The following JAG2 variants were observed in gnomAD, a reference collection of about 807,000 sequenced individuals.
The protein encoded by JAG2 is protein jagged-2.
Under a neutral mutation model 141.7 loss-of-function variants are expected in JAG2, and 46 were observed. The ratio of observed to expected loss-of-function variants is 0.32; its 90% CI spans 0.26 to 0.42. The LOEUF (loss-of-function observed/expected upper bound fraction) is 0.42. Among genes scored for constraint, JAG2 ranks in the 10% least tolerant of loss-of-function variants. The probability of loss-of-function intolerance (pLI) is 1.00; values close to 1 mark genes in which losing one functional copy is unlikely to be tolerated. For synonymous variants in JAG2, 862 were observed against 763.5 expected (o/e 1.13, Z -2.13); for missense variants, 1,500 against 1,817.5 (o/e 0.83, Z 3.18).
chr14:105,157,215 C>T (rs754713111), intron 3 of JAG2, among the ~76,000 whole-genome samples: 1 of 152,194 alleles, frequency 6.6e-6, no homozygotes, highest in Non-Finnish European at 1.5e-5. Flanking sequence ...AGCCCAGCCC[C>T]GGCTGCTCCC....
chr14:105,144,993 G>C lies in JAG2; in HGVS notation c.3021C>G (p.Asp1007Glu). The C allele has an allele frequency of 6.2e-7, 1 of 1,609,402 alleles. No individual in the cohort carries two copies. Among genetic ancestry groups the C allele is most frequent in the Non-Finnish European group, 8.5e-7 (1 of 1,179,710 alleles). Residue 1007 changes from aspartate (D) to glutamate (E), a missense_variant, in exon 24 of 26, where the codon GAC (aspartate) becomes GAG (glutamate). Asp to Glu is a conservative substitution (Grantham distance 45). Around this residue, in one of 3 missense-constraint regions of JAG2, gnomAD observed 425 missense variants for 441.0 expected, o/e 0.96. Coordinates refer to ENST00000331782, the MANE Select transcript of JAG2 (RefSeq NM_002226.5). The part of the protein sequence containing the change: ...SLPATRAVAR[D>E]RLLVLLCDRA... ...GGTCGCAAAGCAACACCAGCAGGCG[G>C]TCCCGTGCCACAGCCCTTGTGGCTG...
chr14:105,149,852 GTA>G (rs1888360607), intron 12 of JAG2, among the ~76,000 whole-genome samples: 1 of 83,484 alleles, frequency 1.2e-5, no homozygotes, highest in Non-Finnish European at 2.5e-5. Flanking sequence ...GGAGGGGGTG[GTA>G]GGGAGGCAGG....
chr14:105,146,030 GCA>G (rs1888212968), intron 22 of JAG2, 57 bp from the exon 23 acceptor site: 1 of 1,564,878 alleles, frequency 6.4e-7, no homozygotes, highest in African/African-American at 1.4e-5. Context: ...TCAGATGCAG[GCA>G]CACAGATGAG....
At chr14:105,155,518 G>T in intron 5 of JAG2, 44 bp downstream of exon 5, 1 of 1,607,140 alleles carries the variant, frequency 6.2e-7, no homozygotes, top group Non-Finnish European at 8.5e-7. Flanking sequence ...GAGGACGTGA[G>T]GGCAAAGGTT....
chr14:105,143,694 C>A, intron 24 of JAG2, 56 bp from the exon 25 acceptor site: 1 of 1,589,892 alleles, frequency 6.3e-7, no homozygotes, highest in Non-Finnish European at 8.5e-7. Context: ...CTCCCAGCAG[C>A]CTGCCCCCAA....
chr14:105,163,672 C>T (rs948913746), intron 2 of JAG2, among the ~76,000 whole-genome samples: 1 of 151,662 alleles, frequency 6.6e-6, no homozygotes, highest in African/African-American at 2.4e-5. Flanking sequence ...GGGACAGTGA[C>T]CTCACTCAGA....
rs896262206 is a variant in JAG2, at chr14:105,142,417, G to A, written c.*278C>T. 4.6e-6 allele frequency: 2 copies of A among 439,388 alleles called. No homozygotes were observed. The highest frequency in any genetic ancestry group is 4.1e-6 in the Non-Finnish European group (1 of 244,990). The allele number at this position is 439,388 out of a possible 1,614,324, so 27.2% of individuals were successfully genotyped here. On this transcript the variant is annotated 3_prime_UTR_variant, in exon 26 of 26. Transcript: ENST00000331782. ...AACGCTACGATTTGGTGACGACGCAGACACCCTTTGCTCTCTCCTTTCATA... is the reference window on the plus strand; with the variant it reads ...AACGCTACGATTTGGTGACGACGCAAACACCCTTTGCTCTCTCCTTTCATA...
At chr14:105,168,296 C>G (rs1888985888) in intron 1 of JAG2, 59 bp downstream of exon 1, 1 of 710,796 alleles carries the variant, frequency 1.4e-6, no homozygotes, top group African/African-American at 2.0e-5. Context: ...CGCCCGGCCC[C>G]TAGGGGCGGC....
chr14:105,167,790 G>C lies in JAG2; in HGVS notation c.384C>G (p.Gly128=). The part of the protein sequence containing the change: ...RARAGGDQDP[G]LVVIPFQFAW... ...CGAACTGGAAGGGGATGACGACGAG[G>C]CCCGGGTCCTGGTCGCCGCCGGCCC... The change falls in exon 2 of 26, where the codon GGC becomes GGG. Residue 128 remains glycine (G), a synonymous_variant. Coordinates refer to ENST00000331782, the MANE Select transcript of JAG2 (RefSeq NM_002226.5). The surrounding 1 kb of genome is among the most constrained non-coding windows in gnomAD (Gnocchi z 4.8). 1 of 1,464,200 alleles carries C rather than the reference G, an allele frequency of 6.8e-7. No individual in the cohort carries two copies. Among genetic ancestry groups the C allele is most frequent in the Non-Finnish European group, 9.0e-7 (1 of 1,110,498 alleles). 90.7% of individuals were successfully genotyped at this position (1,464,200 alleles called of 1,614,324 possible). A position where few individuals can be genotyped will look rare whatever the true frequency, so the allele number is the denominator to read the frequency against.
Position 105,147,897 on chromosome 14 carries a change from AGAG to A in JAG2, c.2249-12_2249-10del, listed in dbSNP as rs771756193. 59 of 1,543,952 alleles carry A rather than the reference AGAG, an allele frequency of 3.8e-5. No individual in the cohort carries two copies. Among genetic ancestry groups the A allele is most frequent in the African/African-American group, 9.6e-5 (7 of 72,938 alleles). On this transcript the variant is annotated splice_polypyrimidine_tract_variant and intron_variant, in intron 17 of 25. Coordinates refer to ENST00000331782, the MANE Select transcript of JAG2 (RefSeq NM_002226.5). ...GCAGCTGCTGTTCTTGGCTGTAAGG[AGAG>A]GAGGAGGAGGGAGCGTCTCACCTGG...
In JAG2 at chr14:105,145,938, G is replaced by A; in HGVS notation, c.2745C>T (p.Gly915=). The change falls in exon 23 of 26, where the codon GGC becomes GGT. Residue 915 remains glycine (G), a synonymous_variant. Transcript: ENST00000331782. ...ACTGGGCGCTCAGGGCCTCGGGCTG[G>A]CCGGCCAGCAGACAAGGCTTCCATC... is the stretch of plus-strand genomic sequence containing the variant. The part of the protein sequence containing the change: ...WCGWKPCLLA[G]QPEALSAQCP... 1 of 1,583,964 alleles carries A rather than the reference G, an allele frequency of 6.3e-7. No homozygotes were observed. The highest frequency in any genetic ancestry group is 8.6e-7 in the Non-Finnish European group (1 of 1,166,882).
chr14:105,148,100 A>G lies in JAG2; in HGVS notation c.2248+16T>C. 2.0e-6 allele frequency: 3 copies of G among 1,534,026 alleles called. No homozygotes were observed. The highest frequency in any genetic ancestry group is 2.6e-6 in the Non-Finnish European group (3 of 1,134,114). On this transcript the variant is annotated intron_variant, in intron 17 of 25. Coordinates refer to ENST00000331782, the MANE Select transcript of JAG2 (RefSeq NM_002226.5). ...GCATATGCCCGGCGGTCGCAGAGGC[A>G]GCGGGGGCTCCTCACCGACGGCGCA...
intron 2 of JAG2, among the ~76,000 whole-genome samples, chr14:105,160,555 G>A (rs1336070610): frequency 1.3e-5 from 2 of 151,926 alleles, no homozygotes; most frequent in Admixed American, 6.6e-5. Flanking sequence ...AGGGGGCAGG[G>A]GCTGTTGTTC....
chr14:105,155,759 T>C lies in JAG2; in HGVS notation c.706A>G (p.Met236Val), dbSNP rs763617840. The C allele has an allele frequency of 6.2e-7, 1 of 1,612,902 alleles. No homozygotes were observed. The highest frequency in any genetic ancestry group is 8.5e-7 in the Non-Finnish European group (1 of 1,179,900). ...YGNKACMDGWMGKECKEAVCK... is the reference protein window; with the variant it reads ...YGNKACMDGWVGKECKEAVCK... The stretch of plus-strand genomic sequence containing the variant: ...TCACCTTCCTTGCACTCCTTGCCCA[T>C]CCAGCCGTCCATGCAGGCCTTGTTG... The change falls in exon 4 of 26, where the codon ATG (methionine) becomes GTG (valine). Residue 236 changes from methionine to valine, a missense_variant. Physicochemically the swap from Met to Val is conservative, Grantham distance 21. Transcript: ENST00000331782.
intron 2 of JAG2, among the ~76,000 whole-genome samples, chr14:105,166,972 ACCACTACCCACCTG>A: frequency 1.3e-5 from 2 of 152,162 alleles, no homozygotes; most frequent in East Asian, 3.9e-4. Flanking sequence ...CTGCCCACCT[ACCACTACCCACCTG>A]CCAGCCCACT....
chr14:105,148,726 C>A lies in JAG2; in HGVS notation c.2020+19G>T, dbSNP rs751597955. ...GGGGTGGAGGCACAGGCCGTGTGGG[C>A]GGGTGCTGGAACACTCACTGGTGTC... On this transcript the variant is annotated intron_variant, in intron 15 of 25. Transcript: ENST00000331782. The A allele has an allele frequency of 1.9e-6, 3 of 1,541,480 alleles. No homozygotes were observed. The highest frequency in any genetic ancestry group is 2.4e-5 in the East Asian group (1 of 41,532).
In JAG2 at chr14:105,145,951, C is replaced by T; in HGVS notation, c.2732G>A (p.Cys911Tyr). The change falls in exon 23 of 26, where the codon TGT (cysteine) becomes TAT (tyrosine). Residue 911 changes from cysteine (C) to tyrosine (Y), a missense_variant. Physicochemically the swap from Cys to Tyr is radical, Grantham distance 194. This residue lies in a region of JAG2 where 875 missense variants were observed against 1,202.2 expected (regional missense o/e 0.73). Transcript: ENST00000331782. ...CSKVWCGWKP[C>Y]LLAGQPEALS... ...GGCCTCGGGCTGGCCGGCCAGCAGA[C>T]AAGGCTTCCATCCGCACCACACCTG... 6.3e-7 allele frequency: 1 copy of T among 1,589,870 alleles called. No homozygotes were observed. Among genetic ancestry groups the T allele is most frequent in the Non-Finnish European group, 8.5e-7 (1 of 1,170,016 alleles).
At chr14:105,164,169 C>T (rs1169533693) in intron 2 of JAG2, among the ~76,000 whole-genome samples, 4 of 151,958 alleles carry the variant, frequency 2.6e-5, no homozygotes, top group Non-Finnish European at 2.9e-5. Context: ...CAGGGACCAG[C>T]GACAAACCCC....
At position 105,146,641 on chromosome 14, in the gene JAG2, G is replaced by T; in HGVS notation, c.2563C>A (p.Pro855Thr). Residue 855 changes from proline to threonine, a missense_variant, in exon 21 of 26, where the codon CCC becomes ACC. Physicochemically the swap from Pro to Thr is conservative, Grantham distance 38. Around this residue, in one of 3 missense-constraint regions of JAG2, gnomAD observed 875 missense variants for 1,202.2 expected, o/e 0.73. Transcript: ENST00000331782. ...EINGYRCSCP[P>T]GRAGPRCQEV... ...TGGCACCGGGGGCCGGCTCGGCCGGGTGGGCAGCTACAGCGATACCCGTTG... is the reference window on the plus strand; with the variant it reads ...TGGCACCGGGGGCCGGCTCGGCCGGTTGGGCAGCTACAGCGATACCCGTTG... 1 of 1,612,668 alleles carries T rather than the reference G, an allele frequency of 6.2e-7. No individual in the cohort carries two copies. Among genetic ancestry groups the T allele is most frequent in the East Asian group, 2.2e-5 (1 of 44,884 alleles).
Sources: gnomAD v4.1 joint callset for allele counts (sites outside exome capture counted in the v4.1 genomes callset) on GRCh38, gnomAD v4.1.1 for gene constraint, gnomAD v4.1.1 regional missense constraint, Gnocchi (gnomAD v3.1) non-coding constraint, MANE v1.5 for transcripts, NCBI Gene and HGNC (gene_info 2026-07-23, HGNC 2026-07-21) for gene names.